Variants in PRICKLE2 observed in about 807,000 individuals in gnomAD.
PRICKLE2 encodes the protein prickle-like protein 2.
PRICKLE2 carries 21 observed loss-of-function variants against 81.4 expected under a neutral mutation model. That is an observed-to-expected ratio of 0.26 (90% confidence interval 0.18 to 0.37). PRICKLE2 has a LOEUF of 0.37. PRICKLE2 is among the 10% of genes least tolerant of loss of function. PRICKLE2 has a pLI of 1.00. For missense variants in PRICKLE2, 940 were observed against 1,109.0 expected (o/e 0.85, Z 2.16); for synonymous variants, 456 against 421.5 (o/e 1.08, Z -1.00).
intron 2 of PRICKLE2, among the ~76,000 whole-genome samples, chr3:64,241,138 ATG>A (rs2079258916): frequency 6.6e-6 from 1 of 152,234 alleles, no homozygotes. Context: ...ATACAAACAA[ATG>A]GGCATTGCTA....
rs1026705710 is a variant in PRICKLE2, at chr3:64,109,967, C to T, written c.1661-10042G>A. On this transcript the variant is annotated intron_variant, in intron 7 of 7. Transcript: ENST00000638394. ...TTTCCTTGCTCATCCTATTAACTTC[C>T]GGATAAATCAGTGACCCCAATAAAG... 3.9e-5 allele frequency among the ~76,000 whole-genome samples: 6 copies of T among 152,084 alleles called. 1 individual carries two copies. Among genetic ancestry groups the T allele is most frequent in the Admixed American group, 1.3e-4 (2 of 15,270 alleles).
chr3:64,162,767 C>A (rs1440418922), intron 3 of PRICKLE2, among the ~76,000 whole-genome samples: 1 of 152,142 alleles, frequency 6.6e-6, no homozygotes, highest in Non-Finnish European at 1.5e-5. Flanking sequence ...TCCCTGGCTA[C>A]CCCCAAATAG....
chr3:64,133,510 T>A (rs1354811733), intron 7 of PRICKLE2, among the ~76,000 whole-genome samples: 2 of 151,136 alleles, frequency 1.3e-5, no homozygotes, highest in African/African-American at 4.9e-5. Flanking sequence ...CTGTTTCTCA[T>A]CCACAGACTC....
chr3:64,116,185 G>A (rs751968881), intron 7 of PRICKLE2, among the ~76,000 whole-genome samples: 22 of 152,152 alleles, frequency 1.4e-4, no homozygotes, highest in Non-Finnish European at 2.9e-4. Context: ...TCTTTGGGAT[G>A]CAGCTAAGGC....
intron 7 of PRICKLE2, among the ~76,000 whole-genome samples, chr3:64,107,585 T>C (rs942571387): frequency 1.3e-5 from 2 of 152,114 alleles, no homozygotes; most frequent in Admixed American, 1.3e-4. Context: ...CTCACTCCTA[T>C]AAGCCCAGCG....
intron 1 of PRICKLE2, among the ~76,000 whole-genome samples, chr3:64,203,397 GT>G (rs2078624975): frequency 6.6e-6 from 1 of 152,176 alleles, no homozygotes; most frequent in African/African-American, 2.4e-5. Context: ...GTTTCAATGT[GT>G]TTAAGTAAGT....
At chr3:64,149,136 G>A (rs1330205891) in intron 6 of PRICKLE2, among the ~76,000 whole-genome samples, 1 of 152,176 alleles carries the variant, frequency 6.6e-6, no homozygotes, top group Non-Finnish European at 1.5e-5. Context: ...GCGTACTAAG[G>A]GAGCCTCCCA....
At chr3:64,115,223 C>T (rs1485109871) in intron 7 of PRICKLE2, among the ~76,000 whole-genome samples, 1 of 152,192 alleles carries the variant, frequency 6.6e-6, no homozygotes, top group African/African-American at 2.4e-5. Flanking sequence ...AAAGGAAAGA[C>T]CATTACCAGC....
intron 3 of PRICKLE2, among the ~76,000 whole-genome samples, chr3:64,162,221 CATTTTT>C (rs2077747159): frequency 6.6e-6 from 1 of 152,112 alleles, no homozygotes; most frequent in African/African-American, 2.4e-5. Flanking sequence ...TTAAAAATTA[CATTTTT>C]GTTTTAAATG....
intron 1 of PRICKLE2, among the ~76,000 whole-genome samples, chr3:64,216,722 G>A (rs2078876877): frequency 6.6e-6 from 1 of 151,894 alleles, no homozygotes. Flanking sequence ...CAGGCCCTGT[G>A]ATTATGCTGC....
intron 7 of PRICKLE2, among the ~76,000 whole-genome samples, chr3:64,133,328 A>T (rs2077225148): frequency 6.6e-6 from 1 of 152,028 alleles, no homozygotes; most frequent in Non-Finnish European, 1.5e-5. Flanking sequence ...GCTTGATGGG[A>T]AGCTCAGGCC....
chr3:64,221,733 T>A (rs555742209), intron 1 of PRICKLE2, among the ~76,000 whole-genome samples: 2 of 152,196 alleles, frequency 1.3e-5, no homozygotes, highest in East Asian at 1.9e-4. Context: ...AGAATTCCTA[T>A]CTGAGGGACA....
At chr3:64,245,470 A>C (rs1207499694) in intron 2 of PRICKLE2, among the ~76,000 whole-genome samples, 1 of 152,218 alleles carries the variant, frequency 6.6e-6, no homozygotes, top group Non-Finnish European at 1.5e-5. Context: ...TTCTACATGT[A>C]GATTGCTGCT....
chr3:64,164,229 T>A (rs190207105), intron 2 of PRICKLE2, among the ~76,000 whole-genome samples: 61 of 152,150 alleles, frequency 4.0e-4, no homozygotes, highest in Non-Finnish European at 8.8e-5. Flanking sequence ...GTACAAAAAT[T>A]AGCCTGGCCT....
intron 2 of PRICKLE2, among the ~76,000 whole-genome samples, chr3:64,184,594 C>G (rs1181721374): frequency 2.0e-5 from 3 of 152,082 alleles, no homozygotes; most frequent in Non-Finnish European, 4.4e-5. Flanking sequence ...CAGCTTCAGC[C>G]TCCTGAATGG....
intron 1 of PRICKLE2, among the ~76,000 whole-genome samples, chr3:64,212,364 A>C (rs2078803064): frequency 6.6e-6 from 1 of 152,234 alleles, no homozygotes; most frequent in Non-Finnish European, 1.5e-5. Context: ...GCAAGTTCTA[A>C]GAGCCCCTCC....
intron 2 of PRICKLE2, among the ~76,000 whole-genome samples, chr3:64,258,845 A>AAAAAGAAAGAAAGAAAG (rs2079570108): frequency 2.9e-5 from 1 of 34,008 alleles, no homozygotes; most frequent in Non-Finnish European, 5.2e-5. Flanking sequence ...AAAAAAAAAA[A>AAAAAGAAAGAAAGAAAG]AAAGAAAGAA....
Position 64,219,922 on chromosome 3 carries a change from G to C in PRICKLE2, c.-41+4988C>G, listed in dbSNP as rs144008765. ...TACTAAATAGAACCAATAATATCTA[G>C]CTGCATGATTGCTGTAAGAATTAAC... On this transcript the variant is annotated intron_variant, in intron 1 of 7. Transcript: ENST00000638394. Among the ~76,000 whole-genome samples, 8 of 152,226 alleles carry C rather than the reference G, an allele frequency of 5.3e-5. No individual in the cohort carries two copies. The East Asian group carries it at 1.5e-3, about 29-fold the overall frequency.
chr3:64,178,788 C>T (rs2078066956), intron 2 of PRICKLE2, among the ~76,000 whole-genome samples: 1 of 152,142 alleles, frequency 6.6e-6, no homozygotes, highest in African/African-American at 2.4e-5. Context: ...CTGGTCCCAA[C>T]ATTTTCGTTA....
Sources: gnomAD v4.1 joint callset for allele counts (sites outside exome capture counted in the v4.1 genomes callset) on GRCh38, gnomAD v4.1.1 for gene constraint, MANE v1.5 for transcripts, NCBI Gene and HGNC (gene_info 2026-07-23, HGNC 2026-07-21) for gene names.